The following ANO4 variants were observed in gnomAD, a reference collection of about 807,000 sequenced individuals.
The protein encoded by ANO4 is anoctamin 4, also known as anoctamin-4.
In ANO4, 69 loss-of-function variants were observed where a neutral mutation model predicts 141.9. The observed-to-expected ratio is 0.49, with a 90% confidence interval of 0.40 to 0.59. The LOEUF (loss-of-function observed/expected upper bound fraction) is 0.59. ANO4 is among the 20% of genes least tolerant of loss of function. The pLI, the probability that ANO4 is intolerant of heterozygous loss-of-function variation, is 0.00. For synonymous variants in ANO4, 350 were observed against 394.3 expected (o/e 0.89, Z 1.33); for missense variants, 894 against 1,162.2 (o/e 0.77, Z 3.36).
At position 100,919,722 on chromosome 12, in the gene ANO4, ATG is replaced by A. The variant is rs1285242310; in HGVS notation, c.56-2498_56-2497del. ...TGTGTGTGTATGTATGTATGTATGT[ATG>A]TGTGTATGTATGTATCTATCTATCT... On this transcript the variant is annotated intron_variant, in intron 2 of 27. Coordinates refer to ENST00000392977, the MANE Select transcript of ANO4 (RefSeq NM_001286615.2). 1.7e-4 allele frequency among the ~76,000 whole-genome samples: 22 copies of A among 130,150 alleles called. 1 individual carries two copies. In the Admixed American group the frequency reaches 1.7e-3, roughly 10 times the overall value. The allele number at this position is 130,150 out of a possible 152,430, so 85.4% of individuals were successfully genotyped here.
intron 15 of ANO4, 39 bp from the exon 16 acceptor site, chr12:101,083,639 C>T (rs2049370468): frequency 6.3e-7 from 1 of 1,580,070 alleles, no homozygotes; most frequent in Non-Finnish European, 8.5e-7. Context: ...TGTGTGAGCA[C>T]CTCTTTAGTG....
At position 100,889,330 on chromosome 12, in the gene ANO4, G is replaced by T. The variant is rs1280911436; in HGVS notation, c.-140-12316G>T. ...AGTCTTTGCTATTGTGAATAGTGCC[G>T]CAGTAAACATATGTGTGCATGTGTC... is the stretch of plus-strand genomic sequence containing the variant. On this transcript the variant is annotated intron_variant, in intron 1 of 27. Transcript: ENST00000392977. Among the ~76,000 whole-genome samples, 10 of 152,042 alleles carry T rather than the reference G, an allele frequency of 6.6e-5. No homozygotes were observed. The East Asian group carries it at 1.5e-3, about 24-fold the overall frequency.
At chr12:100,776,747 A>C (rs1201739128) in intron 3 of ANO4, among the ~76,000 whole-genome samples, 1 of 152,182 alleles carries the variant, frequency 6.6e-6, no homozygotes, top group Admixed American at 6.5e-5. Flanking sequence ...TATTTTGTAA[A>C]TACTAAGCCA....
At chr12:100,726,540 G>T (rs927017937) in intron 1 of ANO4, among the ~76,000 whole-genome samples, 1 of 152,192 alleles carries the variant, frequency 6.6e-6, no homozygotes, top group Non-Finnish European at 1.5e-5. Context: ...AGTTTAATGA[G>T]ACTGCAAATC....
intron 5 of ANO4, among the ~76,000 whole-genome samples, chr12:100,945,057 C>A (rs752249008): frequency 6.6e-6 from 1 of 152,036 alleles, no homozygotes; most frequent in East Asian, 1.9e-4. Context: ...GAAGAAACAC[C>A]CTAGGGACCC....
At chr12:100,889,046 A>G in intron 1 of ANO4, among the ~76,000 whole-genome samples, 2 of 117,394 alleles carry the variant, frequency 1.7e-5, no homozygotes, top group Admixed American at 1.0e-4. Context: ...CCACCCCACA[A>G]CAGTCCCCAG....
At chr12:100,882,808 C>T (rs955033466) in intron 1 of ANO4, among the ~76,000 whole-genome samples, 10 of 152,070 alleles carry the variant, frequency 6.6e-5, no homozygotes, top group African/African-American at 2.4e-4. Context: ...AAGCAGTTCT[C>T]CCTTCCTCAG....
intron 2 of ANO4, among the ~76,000 whole-genome samples, chr12:100,903,281 C>T (rs1302303914): frequency 6.6e-6 from 1 of 152,158 alleles, no homozygotes; most frequent in East Asian, 1.9e-4. Flanking sequence ...GCTTCCATGA[C>T]AATCTTAGGG....
chr12:100,817,179 T>C (rs2035782011), intron 1 of ANO4, among the ~76,000 whole-genome samples: 1 of 151,832 alleles, frequency 6.6e-6, no homozygotes, highest in African/African-American at 2.4e-5. Flanking sequence ...TTTCAACATA[T>C]ATATTAAAAG....
intron 1 of ANO4, among the ~76,000 whole-genome samples, chr12:100,885,799 AG>A (rs1327642225): frequency 6.6e-6 from 1 of 152,136 alleles, no homozygotes; most frequent in Non-Finnish European, 1.5e-5. Flanking sequence ...TTTCTTCGGA[AG>A]TTGCAGCTTC....
chr12:101,084,326 G>A (rs1253475679), intron 16 of ANO4, among the ~76,000 whole-genome samples: 1 of 152,044 alleles, frequency 6.6e-6, no homozygotes, highest in Non-Finnish European at 1.5e-5. Flanking sequence ...TGACAGATTA[G>A]CCTCCTAAAA....
At chr12:101,038,673 A>G (rs941039462) in intron 10 of ANO4, 5 of 152,060 alleles carry the variant, frequency 3.3e-5, no homozygotes, top group Non-Finnish European at 7.3e-5. Flanking sequence ...AAAGATTTAG[A>G]TAGAGGTTTA....
chr12:100,988,423 A>C (rs943970584), intron 8 of ANO4, among the ~76,000 whole-genome samples: 3 of 152,020 alleles, frequency 2.0e-5, no homozygotes, highest in Admixed American at 6.6e-5. Context: ...GTGGAGGCAG[A>C]GATCAGGTCA....
intron 1 of ANO4, among the ~76,000 whole-genome samples, chr12:100,854,897 A>G (rs1406544225): frequency 6.6e-6 from 1 of 152,058 alleles, no homozygotes; most frequent in African/African-American, 2.4e-5. Flanking sequence ...AGGGGATTCC[A>G]TGTGTCCTGG....
At chr12:100,997,172 A>T (rs1023589167) in intron 8 of ANO4, among the ~76,000 whole-genome samples, 1 of 151,988 alleles carries the variant, frequency 6.6e-6, no homozygotes, top group East Asian at 1.9e-4. Flanking sequence ...TGCCTCTACT[A>T]AAAATACAAA....
At chr12:100,754,194 A>G (rs1471343205) in intron 3 of ANO4, among the ~76,000 whole-genome samples, 3 of 152,216 alleles carry the variant, frequency 2.0e-5, no homozygotes, top group African/African-American at 4.8e-5. Flanking sequence ...CACATAACTC[A>G]CAATGTAATG....
At chr12:100,768,060 G>T (rs891982060) in intron 3 of ANO4, among the ~76,000 whole-genome samples, 3 of 152,126 alleles carry the variant, frequency 2.0e-5, no homozygotes, top group South Asian at 4.2e-4. Context: ...TGGCACTGGG[G>T]CAGTTCTGAA....
chr12:101,011,078 C>T (rs1223731889), intron 8 of ANO4, among the ~76,000 whole-genome samples: 4 of 152,110 alleles, frequency 2.6e-5, no homozygotes, highest in Admixed American at 6.5e-5. Flanking sequence ...CCACATGGCT[C>T]ATCTTCAAAG....
intron 24 of ANO4, among the ~76,000 whole-genome samples, chr12:101,113,444 T>A (rs1212199319): frequency 6.6e-6 from 1 of 152,194 alleles, no homozygotes; most frequent in Non-Finnish European, 1.5e-5. Context: ...CTGGGCTCTT[T>A]GGAGCTTTTC....
Sources: gnomAD v4.1 joint callset for allele counts (sites outside exome capture counted in the v4.1 genomes callset) on GRCh38, gnomAD v4.1.1 for gene constraint, MANE v1.5 for transcripts, NCBI Gene and HGNC (gene_info 2026-07-23, HGNC 2026-07-21) for gene names.